HEATR4: variants seen among roughly 807,000 people sequenced by gnomAD.
HEATR4 encodes HEAT repeat-containing protein 4.
Under a neutral mutation model 108.8 loss-of-function variants are expected in HEATR4, and 95 were observed. The ratio of observed to expected loss-of-function variants is 0.87; its 90% CI spans 0.74 to 1.04. The LOEUF is 1.04. HEATR4 is among the 50% of genes least tolerant of loss of function. HEATR4 has a pLI of 0.00. For missense variants in HEATR4, 1,152 were observed against 1,253.8 expected, an observed-to-expected ratio of 0.92 and a Z score of 1.23; for synonymous variants, 443 against 459.4, an observed-to-expected ratio of 0.96 and a Z score of 0.46.
the HEATR4 span, among the ~76,000 whole-genome samples, chr14:73,609,803 G>A: frequency 6.6e-6 from 1 of 151,832 alleles, no homozygotes; most frequent in African/African-American, 2.4e-5. Flanking sequence ...ACCATGCCTG[G>A]CTAATTTTTG....
chr14:73,491,665 T>C, intron 17 of HEATR4: 1 of 1,549,916 alleles, frequency 6.5e-7, no homozygotes, highest in Non-Finnish European at 8.7e-7. Context: ...TGCCGCCAGA[T>C]CACTTTTACC....
chr14:73,599,016 AAG>A, the HEATR4 span, among the ~76,000 whole-genome samples: 1 of 152,016 alleles, frequency 6.6e-6, no homozygotes, highest in Non-Finnish European at 1.5e-5. Flanking sequence ...AAAAAACAAA[AAG>A]AAGTTTGACT....
At chr14:73,491,960 C>T (rs1483896604) in intron 17 of HEATR4, 3 of 1,613,932 alleles carry the variant, frequency 1.9e-6, no homozygotes, top group Non-Finnish European at 2.5e-6. Flanking sequence ...TTTGGCTGTG[C>T]TTCAAGAGCA....
At chr14:73,499,013 A>G in intron 13 of HEATR4, 58 bp downstream of exon 13, 1 of 1,446,524 alleles carries the variant, frequency 6.9e-7, no homozygotes, top group Non-Finnish European at 9.7e-7. Flanking sequence ...GATCATTTCT[A>G]CTTGCATAGG....
At chr14:73,544,412 C>T (rs1889200007) in intron 1 of HEATR4, among the ~76,000 whole-genome samples, 1 of 115,678 alleles carries the variant, frequency 8.6e-6, no homozygotes, top group African/African-American at 2.8e-5. Context: ...AACATCTTGC[C>T]TATAAACTGA....
Position 73,535,652 on chromosome 14 carries a change from T to G in HEATR4, c.-151-5408A>C, listed in dbSNP as rs573646608. ...CCCGGCGAATTTTTTGTATTTTTGGTTTTTTTTTAGTAGAGACGGAGTTTC... is the reference window on the plus strand; with the variant it reads ...CCCGGCGAATTTTTTGTATTTTTGGGTTTTTTTTAGTAGAGACGGAGTTTC... On this transcript the variant is annotated intron_variant, in intron 1 of 17. Transcript: ENST00000553558. Among the ~76,000 whole-genome samples, 77 of 109,610 alleles carry G rather than the reference T, an allele frequency of 7.0e-4. 14 individuals are homozygous for G. Among genetic ancestry groups the G allele is most frequent in the African/African-American group, 1.8e-3 (61 of 34,190 alleles). 71.9% of individuals were successfully genotyped at this position (109,610 alleles called of 152,430 possible).
upstream of HEATR4, among the ~76,000 whole-genome samples, chr14:73,562,637 C>T (rs1889545724): frequency 2.0e-5 from 3 of 151,780 alleles, no homozygotes; most frequent in South Asian, 2.1e-4. Context: ...ATATTAATAC[C>T]CTGGGAAAGG....
chr14:73,595,118 T>A, the HEATR4 span: 6 of 1,614,124 alleles, frequency 3.7e-6, no homozygotes, highest in Non-Finnish European at 4.2e-6. Context: ...AATGGCCTCA[T>A]TCTTGAAGAA....
chr14:73,510,909 A>G (rs1438989491), intron 7 of HEATR4, among the ~76,000 whole-genome samples: 1 of 152,236 alleles, frequency 6.6e-6, no homozygotes, highest in Non-Finnish European at 1.5e-5. Flanking sequence ...TATAAGTTAC[A>G]GTATCCAGGG....
the HEATR4 span, among the ~76,000 whole-genome samples, chr14:73,576,929 TTTC>T: frequency 1.9e-5 from 2 of 107,256 alleles, no homozygotes; most frequent in Middle Eastern, 3.9e-3. Flanking sequence ...ATTCTTTTCT[TTTC>T]TTTTTTTTTT....
chr14:73,569,090 A>T, the HEATR4 span: 2 of 928,334 alleles, frequency 2.2e-6, no homozygotes, highest in Non-Finnish European at 3.2e-6. Context: ...TTTCCAACAT[A>T]AAGTGGAGGT....
At chr14:73,480,464 A>G (rs931159941) in intron 17 of HEATR4, among the ~76,000 whole-genome samples, 5 of 152,164 alleles carry the variant, frequency 3.3e-5, no homozygotes, top group Non-Finnish European at 7.3e-5. Context: ...TTAATCAATT[A>G]TAATGGACCA....
At chr14:73,606,773 A>T in the HEATR4 span, among the ~76,000 whole-genome samples, 1 of 152,192 alleles carries the variant, frequency 6.6e-6, no homozygotes, top group Non-Finnish European at 1.5e-5. Context: ...CCGGAATTGA[A>T]CCTAGGCCAC....
chr14:73,503,099 T>G, intron 10 of HEATR4, 86 bp from the exon 11 acceptor site: 1 of 1,036,220 alleles, frequency 9.7e-7, no homozygotes, highest in Non-Finnish European at 1.5e-6. Context: ...CTTCTTTTTT[T>G]ACTCATCACT....
At chr14:73,509,872 A>AT (rs1566832391) in intron 7 of HEATR4, among the ~76,000 whole-genome samples, 1 of 71,750 alleles carries the variant, frequency 1.4e-5, no homozygotes, top group Non-Finnish European at 3.1e-5. Context: ...ATATATATTT[A>AT]TTTATTTTAT....
chr14:73,618,851 C>T, the HEATR4 span, among the ~76,000 whole-genome samples: 420 of 152,226 alleles, frequency 2.8e-3, 3 homozygotes, highest in African/African-American at 9.7e-3. Context: ...AAGCTACTGG[C>T]GGGGCACGGT....
the HEATR4 span, among the ~76,000 whole-genome samples, chr14:73,578,282 G>A: frequency 1.4e-5 from 2 of 146,060 alleles, no homozygotes; most frequent in East Asian, 2.0e-4. Flanking sequence ...AGAGTGCAGT[G>A]GCAGTAACAT....
In HEATR4 at chr14:73,492,778, A is replaced by G; in HGVS notation, c.2844+288T>C. The G allele has an allele frequency of 6.2e-7, 1 of 1,613,958 alleles. No individual in the cohort carries two copies. The highest frequency in any genetic ancestry group is 8.5e-7 in the Non-Finnish European group (1 of 1,179,886). ...TGGAAGAACCCAAGTGCTTGGAAAT[A>G]TACCCCCAGCAAGCTGATGCCATGG... On this transcript the variant is annotated intron_variant, in intron 17 of 17. Coordinates refer to ENST00000553558, the MANE Select transcript of HEATR4 (RefSeq NM_001220484.1). The surrounding 1 kb of genome is among the most constrained non-coding windows in gnomAD (Gnocchi z 4.9).
At chr14:73,564,408 G>A in the HEATR4 span, among the ~76,000 whole-genome samples, 8 of 151,752 alleles carry the variant, frequency 5.3e-5, no homozygotes, top group South Asian at 6.2e-4. Context: ...CCAGGAGTTC[G>A]AGACCAGGCA....
Sources: allele counts gnomAD v4.1 joint callset (sites outside exome capture counted in the v4.1 genomes callset), GRCh38; gene constraint gnomAD v4.1.1; non-coding constraint Gnocchi (gnomAD v3.1); transcripts MANE v1.5; gene names NCBI Gene and HGNC (gene_info 2026-07-23, HGNC 2026-07-21).